COL4A2: variants seen among roughly 807,000 people sequenced by gnomAD.
COL4A2 encodes collagen type IV alpha 2 chain.
A neutral mutation model predicts 200.2 loss-of-function variants in COL4A2; 99 were observed. The observed-to-expected ratio is 0.49, with a 90% CI of 0.42 to 0.58. The LOEUF is 0.58. Ranked by LOEUF, COL4A2 falls within the 20% of genes least tolerant of loss-of-function variation. COL4A2 has a pLI of 0.00. For missense variants in COL4A2, 1,950 were observed against 2,314.1 expected, an observed-to-expected ratio of 0.84 and a Z score of 3.23; for synonymous variants, 897 against 900.6, an observed-to-expected ratio of 1.00 and a Z score of 0.07.
chr13:110,512,187 T>C lies in COL4A2; in HGVS notation c.5135T>C (p.Leu1712Pro). 6.2e-7 allele frequency: 1 copy of C among 1,611,356 alleles called. No individual in the cohort carries two copies. Among genetic ancestry groups the C allele is most frequent in the Non-Finnish European group, 8.5e-7 (1 of 1,178,788 alleles). Residue 1712 changes from leucine (L) to proline (P), a missense_variant, in exon 48 of 48, where the codon CTG becomes CCG. By Grantham distance (98) the Leu-to-Pro change is moderately conservative. Coordinates refer to ENST00000360467, the MANE Select transcript of COL4A2 (RefSeq NM_001846.4). ...ISRCQVCMKNL is the reference protein window; with the variant it reads ...ISRCQVCMKNP The stretch of plus-strand genomic sequence containing the variant: ...CGCTGCCAGGTGTGCATGAAGAACC[T>C]GTGAGCCGGCGCGTGCCAGGAAGGG...
intron 45 of COL4A2, among the ~76,000 whole-genome samples, 189 bp downstream of exon 45, chr13:110,504,453 T>C (rs1883771249): frequency 6.6e-6 from 1 of 152,138 alleles, no homozygotes; most frequent in South Asian, 2.1e-4. Context: ...TGGCCCCGAG[T>C]CCTGGGACAG....
chr13:110,500,595 TG>T (rs1241373651), intron 40 of COL4A2, among the ~76,000 whole-genome samples: 3 of 152,190 alleles, frequency 2.0e-5, no homozygotes, highest in African/African-American at 7.2e-5. Flanking sequence ...CAAAAACTGT[TG>T]GTTCTCATTA....
chr13:110,414,723 C>T (rs1243051007), intron 4 of COL4A2, among the ~76,000 whole-genome samples: 5 of 152,182 alleles, frequency 3.3e-5, no homozygotes, highest in Non-Finnish European at 5.9e-5. Context: ...TTATATTGGT[C>T]TAATTTCAAA....
chr13:110,419,240 T>G (rs1566522646), intron 4 of COL4A2, among the ~76,000 whole-genome samples: 1 of 152,228 alleles, frequency 6.6e-6, no homozygotes, highest in African/African-American at 2.4e-5. Context: ...AGGGATTTCC[T>G]ACTATTCAGA....
chr13:110,422,937 G>A (rs1046191047), intron 4 of COL4A2, among the ~76,000 whole-genome samples: 3 of 152,154 alleles, frequency 2.0e-5, no homozygotes, highest in African/African-American at 7.2e-5. Context: ...GCTGAGAATG[G>A]CATTATGAAC....
intron 3 of COL4A2, among the ~76,000 whole-genome samples, chr13:110,312,828 G>T (rs1594139077): frequency 6.6e-6 from 1 of 152,186 alleles, no homozygotes; most frequent in Non-Finnish European, 1.5e-5. Context: ...TTGCTAACCG[G>T]GTTCTGACTT....
At chr13:110,506,122 C>G (rs1343499657) in intron 45 of COL4A2, among the ~76,000 whole-genome samples, 1 of 152,170 alleles carries the variant, frequency 6.6e-6, no homozygotes, top group East Asian at 1.9e-4. Context: ...GGGCGGCTGT[C>G]AAGGGGGCTG....
At chr13:110,454,120 T>C (rs1448497114) in intron 20 of COL4A2, among the ~76,000 whole-genome samples, 1 of 152,224 alleles carries the variant, frequency 6.6e-6, no homozygotes, top group African/African-American at 2.4e-5. Context: ...CTAGTTCAGT[T>C]AGCTGAATTG....
chr13:110,471,664 C>T (rs1882473042), intron 28 of COL4A2, among the ~76,000 whole-genome samples: 1 of 152,122 alleles, frequency 6.6e-6, no homozygotes, highest in African/African-American at 2.4e-5. Flanking sequence ...CAGGTTAATC[C>T]AGATCCTTTA....
intron 3 of COL4A2, among the ~76,000 whole-genome samples, chr13:110,316,615 G>A (rs980027513): frequency 2.4e-4 from 36 of 152,092 alleles, no homozygotes; most frequent in African/African-American, 7.2e-4. Flanking sequence ...AGAACCTCTC[G>A]GAGCAGCTAA....
chr13:110,357,762 C>T (rs546575092), intron 4 of COL4A2, among the ~76,000 whole-genome samples: 4 of 152,224 alleles, frequency 2.6e-5, no homozygotes, highest in South Asian at 2.1e-4. Flanking sequence ...CAAACCTGTA[C>T]GTAGGCAGTT....
intron 17 of COL4A2, among the ~76,000 whole-genome samples, 175 bp from the exon 18 acceptor site, chr13:110,446,623 C>G (rs907563080): frequency 1.3e-5 from 2 of 152,228 alleles, no homozygotes; most frequent in African/African-American, 4.8e-5. Context: ...ATGCCAGGCT[C>G]TGCCACCCTA....
intron 10 of COL4A2, chr13:110,430,977 C>A: frequency 2.2e-6 from 1 of 446,244 alleles, no homozygotes; most frequent in Non-Finnish European, 4.4e-6. Context: ...TCTGCCTGTG[C>A]CACACCCATG....
chr13:110,506,699 C>G, intron 46 of COL4A2, 93 bp downstream of exon 46: 1 of 1,324,020 alleles, frequency 7.6e-7, no homozygotes, highest in Non-Finnish European at 1.0e-6. Context: ...CCAAACCCTC[C>G]ACGGCTGGTA....
chr13:110,325,403 T>C (rs1885380306), intron 3 of COL4A2, among the ~76,000 whole-genome samples: 1 of 152,236 alleles, frequency 6.6e-6, no homozygotes, highest in African/African-American at 2.4e-5. Flanking sequence ...CTGCCATGCA[T>C]TGATGGGCTC....
intron 4 of COL4A2, among the ~76,000 whole-genome samples, chr13:110,417,021 G>GC (rs1352110154): frequency 2.1e-5 from 3 of 145,772 alleles, no homozygotes; most frequent in African/African-American, 7.7e-5. Context: ...TCACTCTGTT[G>GC]CCAGGCTGGA....
chr13:110,417,884 G>A (rs190533393), intron 4 of COL4A2, among the ~76,000 whole-genome samples: 31 of 152,108 alleles, frequency 2.0e-4, no homozygotes, highest in African/African-American at 7.0e-4. Flanking sequence ...TCTCGGTGTG[G>A]ATATAGGCCT....
chr13:110,469,929 T>TTTTTG (rs1882400803), intron 28 of COL4A2, among the ~76,000 whole-genome samples: 2 of 145,144 alleles, frequency 1.4e-5, no homozygotes, highest in East Asian at 2.0e-4. Flanking sequence ...TTTTTTTTTT[T>TTTTTG]AATGAAATGG....
chr13:110,448,458 G>T (rs1881410523), intron 18 of COL4A2, among the ~76,000 whole-genome samples: 1 of 152,188 alleles, frequency 6.6e-6, no homozygotes, highest in South Asian at 2.1e-4. Context: ...AGTTATTGGT[G>T]AGCTGGAATG....
Sources: gnomAD v4.1 joint callset for allele counts (sites outside exome capture counted in the v4.1 genomes callset) on GRCh38, gnomAD v4.1.1 for gene constraint, MANE v1.5 for transcripts, NCBI Gene and HGNC (gene_info 2026-07-23, HGNC 2026-07-21) for gene names.